Variants in GPCPD1 observed in about 807,000 individuals in gnomAD.
GPCPD1 encodes the protein glycerophosphocholine phosphodiesterase 1, also known as glycerophosphocholine phosphodiesterase GPCPD1.
In GPCPD1, 29 loss-of-function variants were observed where a neutral mutation model predicts 89.2. The observed-to-expected ratio is 0.33, with a 90% CI of 0.24 to 0.44. The LOEUF is 0.44. GPCPD1 is among the 20% of genes least tolerant of loss of function. The pLI is 1.00. For missense variants in GPCPD1, 594 were observed against 808.9 expected (o/e 0.73, Z 3.22); for synonymous variants, 258 against 266.3 (o/e 0.97, Z 0.30).
chr20:5,554,369 C>T (rs1985626119), intron 19 of GPCPD1, among the ~76,000 whole-genome samples: 1 of 152,130 alleles, frequency 6.6e-6, no homozygotes, highest in Admixed American at 6.6e-5. Context: ...GATGTCAATG[C>T]CTGGCTTCAA....
At chr20:5,566,007 A>G (rs1391070623) in intron 14 of GPCPD1, among the ~76,000 whole-genome samples, 1 of 152,224 alleles carries the variant, frequency 6.6e-6, no homozygotes, top group Non-Finnish European at 1.5e-5. Flanking sequence ...AATTCATTTT[A>G]TTACTAAGAC....
intron 6 of GPCPD1, among the ~76,000 whole-genome samples, chr20:5,583,709 A>C (rs1189772762): frequency 1.3e-5 from 2 of 152,242 alleles, no homozygotes; most frequent in East Asian, 3.8e-4. Context: ...GGTTAGTCTG[A>C]ATTTTACTGT....
intron 13 of GPCPD1, 26 bp downstream of exon 13, chr20:5,567,457 T>C (rs1246759621): frequency 6.4e-7 from 1 of 1,555,100 alleles, no homozygotes; most frequent in Non-Finnish European, 8.6e-7. Context: ...TAAGGGATAA[T>C]TTACATTTCA....
At chr20:5,606,541 A>G (rs934117925) in intron 1 of GPCPD1, among the ~76,000 whole-genome samples, 1 of 152,224 alleles carries the variant, frequency 6.6e-6, no homozygotes, top group Non-Finnish European at 1.5e-5. Context: ...GTCAAGGTAG[A>G]TAGATCTATA....
intron 11 of GPCPD1, among the ~76,000 whole-genome samples, chr20:5,571,438 T>C (rs2122639023): frequency 6.6e-6 from 1 of 152,302 alleles, no homozygotes; most frequent in South Asian, 2.1e-4. Flanking sequence ...TCATGAGGTT[T>C]AAGTAATAAG....
intron 4 of GPCPD1, among the ~76,000 whole-genome samples, chr20:5,589,153 T>C (rs1979146307): frequency 6.6e-6 from 1 of 152,170 alleles, no homozygotes; most frequent in Non-Finnish European, 1.5e-5. Flanking sequence ...ATGACAGAAC[T>C]ATGTCTATCA....
chr20:5,587,149 C>A (rs979650915), intron 4 of GPCPD1, among the ~76,000 whole-genome samples: 50 of 152,228 alleles, frequency 3.3e-4, no homozygotes, highest in African/African-American at 1.2e-3. Flanking sequence ...AAAAGAAACT[C>A]ACTAGTTATT....
At chr20:5,593,800 T>C (rs1412674062) in intron 3 of GPCPD1, among the ~76,000 whole-genome samples, 1 of 152,206 alleles carries the variant, frequency 6.6e-6, no homozygotes, top group Non-Finnish European at 1.5e-5. Flanking sequence ...AAATTCAAGT[T>C]GTACAAAAGT....
At position 5,547,676 on chromosome 20, in the gene GPCPD1, G is replaced by C. The variant is rs375076223; in HGVS notation, c.2004C>G (p.Asn668Lys). ...GCAATAAAAACTAAGCATTCTCCAC[G>C]TTATCAATGCCGTTGGCATCCACAT... The part of the protein sequence containing the change: ...DIHVDANGID[N>K]VENA Residue 668 changes from asparagine (N) to lysine (K), a missense_variant, in exon 20 of 20, where the codon AAC (asparagine) becomes AAG (lysine). By Grantham distance (94) the Asn-to-Lys change is moderately conservative (BLOSUM62 0). Transcript: ENST00000379019. 6.3e-7 allele frequency: 1 copy of C among 1,598,940 alleles called. No individual in the cohort carries two copies. The highest frequency in any genetic ancestry group is 8.6e-7 in the Non-Finnish European group (1 of 1,167,890).
At chr20:5,592,246 A>G (rs1979377711) in intron 4 of GPCPD1, among the ~76,000 whole-genome samples, 1 of 152,218 alleles carries the variant, frequency 6.6e-6, no homozygotes, top group South Asian at 2.1e-4. Flanking sequence ...GTATCTACAC[A>G]CAATTGCTTA....
At chr20:5,603,686 T>TAA (rs759388121) in intron 2 of GPCPD1, among the ~76,000 whole-genome samples, 16 of 151,424 alleles carry the variant, frequency 1.1e-4, no homozygotes, top group Non-Finnish European at 2.2e-4. Context: ...ACAATGAGGC[T>TAA]AAAAACATAT....
chr20:5,596,930 A>AT (rs1979770495), intron 3 of GPCPD1, among the ~76,000 whole-genome samples: 1 of 152,190 alleles, frequency 6.6e-6, no homozygotes, highest in Non-Finnish European at 1.5e-5. Flanking sequence ...TCCTCTTAAA[A>AT]TTGTTAAGTG....
At chr20:5,568,209 T>A (rs1353793558) in intron 12 of GPCPD1, among the ~76,000 whole-genome samples, 1 of 131,328 alleles carries the variant, frequency 7.6e-6, no homozygotes, top group African/African-American at 3.3e-5. Flanking sequence ...CAATAAATCA[T>A]CTGTCCAACA....
At chr20:5,580,534 G>A (rs1028032543) in intron 6 of GPCPD1, among the ~76,000 whole-genome samples, 1 of 151,906 alleles carries the variant, frequency 6.6e-6, no homozygotes, top group Non-Finnish European at 1.5e-5. Context: ...GACCATCCTG[G>A]CTAACACGGT....
intron 1 of GPCPD1, among the ~76,000 whole-genome samples, chr20:5,608,511 A>AATTTTGGC (rs1276508203): frequency 6.6e-6 from 1 of 152,192 alleles, no homozygotes; most frequent in Non-Finnish European, 1.5e-5. Context: ...TGTAGTATAC[A>AATTTTGGC]ATTTTGGCAT....
At position 5,580,615 on chromosome 20, in the gene GPCPD1, G is replaced by C. The variant is rs570323193; in HGVS notation, c.350-484C>G. ...GTGGCGGGCGCCTGTAGTCCCAGCT[G>C]CTTGGGAGGCTGAGGCAGGAGAATG... On this transcript the variant is annotated intron_variant, in intron 6 of 19. Transcript: ENST00000379019. 2.0e-4 allele frequency among the ~76,000 whole-genome samples: 30 copies of C among 151,234 alleles called. 1 individual carries two copies. Among genetic ancestry groups the C allele is most frequent in the African/African-American group, 6.3e-4 (26 of 41,254 alleles).
At chr20:5,569,608 C>G (rs1986594579) in intron 12 of GPCPD1, among the ~76,000 whole-genome samples, 2 of 152,078 alleles carry the variant, frequency 1.3e-5, no homozygotes, top group Admixed American at 1.3e-4. Flanking sequence ...CAGTCTCTGT[C>G]CTCTGAAATT....
intron 9 of GPCPD1, 37 bp from the exon 10 acceptor site, chr20:5,575,582 A>T: frequency 7.0e-7 from 1 of 1,438,014 alleles, no homozygotes; most frequent in Non-Finnish European, 9.7e-7. Context: ...CAAAAATAAA[A>T]ATGATTAAAA....
chr20:5,586,084 G>T, intron 5 of GPCPD1, 110 bp downstream of exon 5: 1 of 543,146 alleles, frequency 1.8e-6, no homozygotes. Flanking sequence ...CACTGACAAT[G>T]CATTGACCTT....
Sources: gnomAD v4.1 joint callset for allele counts (sites outside exome capture counted in the v4.1 genomes callset) on GRCh38, gnomAD v4.1.1 for gene constraint, MANE v1.5 for transcripts, NCBI Gene and HGNC (gene_info 2026-07-23, HGNC 2026-07-21) for gene names.